C1orf87: variants seen among roughly 807,000 people sequenced by gnomAD.
The protein encoded by C1orf87 is chromosome 1 open reading frame 87, also known as uncharacterized protein C1orf87.
Under a neutral mutation model 60.5 loss-of-function variants are expected in C1orf87, and 58 were observed. The ratio of observed to expected loss-of-function variants is 0.96; its 90% CI spans 0.78 to 1.19. The LOEUF is 1.19. Among genes scored for constraint, C1orf87 ranks in the 50% most tolerant of loss-of-function variants. The pLI is 0.00. For synonymous variants in C1orf87, 236 were observed against 227.4 expected, an observed-to-expected ratio of 1.04 and a Z score of -0.34; for missense variants, 673 against 638.6, an observed-to-expected ratio of 1.05 and a Z score of -0.58.
chr1:60,023,559 A>G (rs1365552147), intron 8 of C1orf87, among the ~76,000 whole-genome samples: 2 of 152,178 alleles, frequency 1.3e-5, no homozygotes, highest in Non-Finnish European at 2.9e-5. Context: ...ATAGAAAAAA[A>G]TTTAAGATAA....
rs556056960 is a variant in C1orf87 at position 60,021,452 on chromosome 1, AG to A, written c.1127+3948del. On this transcript the variant is annotated intron_variant, in intron 8 of 11. Coordinates refer to ENST00000371201, the MANE Select transcript of C1orf87 (RefSeq NM_152377.3). ...CAGCACAAGGAACCTGATTTTGGTG[AG>A]GTGGGTAAGGAAGGCCTTCTTCAAG... Among the ~76,000 whole-genome samples, 1,375 of 152,312 alleles carry A rather than the reference AG, an allele frequency of 9.0e-3. 10 individuals are homozygous for A. Among genetic ancestry groups the A allele is most frequent in the Non-Finnish European group, 0.014 (982 of 68,024 alleles).
intron 1 of C1orf87, among the ~76,000 whole-genome samples, chr1:60,073,124 T>G (rs1351212062): frequency 2.6e-5 from 4 of 152,186 alleles, no homozygotes; most frequent in Non-Finnish European, 4.4e-5. Flanking sequence ...TAATTCTAGG[T>G]CTGTTCTCAG....
intron 9 of C1orf87, among the ~76,000 whole-genome samples, chr1:60,007,990 A>G (rs1645058056): frequency 6.6e-6 from 1 of 151,962 alleles, no homozygotes; most frequent in African/African-American, 2.4e-5. Flanking sequence ...GATAACATTT[A>G]CCTGTGGAGC....
rs201116233 is a variant in C1orf87, at chr1:59,991,491, C to T, written c.1481-658G>A. Among the ~76,000 whole-genome samples, 13 of 151,970 alleles carry T rather than the reference C, an allele frequency of 8.6e-5. No homozygotes were observed. In the East Asian group the frequency reaches 2.3e-3, roughly 27 times the overall value. ...AATTGCAATGCAAATAGTTGTTATA[C>T]TGTGTTTTAAAATTTGTACTTTTTT... is the stretch of plus-strand genomic sequence containing the variant. On this transcript the variant is annotated intron_variant, in intron 11 of 11. Transcript: ENST00000371201.
intron 2 of C1orf87, among the ~76,000 whole-genome samples, chr1:60,064,998 A>AATAATAAATATAT (rs1645532512): frequency 5.8e-5 from 1 of 17,192 alleles, no homozygotes; most frequent in African/African-American, 1.8e-4. Context: ...AATACATATA[A>AATAATAAATATAT]ATATTAAATA....
chr1:60,038,168 G>A (rs1212662227), intron 5 of C1orf87, 61 bp from the exon 6 acceptor site: 4 of 1,065,114 alleles, frequency 3.8e-6, no homozygotes, highest in African/African-American at 3.1e-5. Flanking sequence ...AAAGAGGCCT[G>A]TTGAGATAAA....
In C1orf87 at chr1:60,072,787, C is replaced by A. The variant is rs564559425; in HGVS notation, c.-27-117G>T. ...GGACAAAGTGTTTCACCTATATTACCTCACTTAACACTCCTAACAAAGGCA... is the reference window on the plus strand; with the variant it reads ...GGACAAAGTGTTTCACCTATATTACATCACTTAACACTCCTAACAAAGGCA... On this transcript the variant is annotated intron_variant, in intron 1 of 11. Transcript: ENST00000371201. 3.5e-4 allele frequency: 205 copies of A among 580,966 alleles called. No individual in the cohort carries two copies. The African/African-American group carries it at 3.6e-3, about 10-fold the overall frequency. 36.0% of individuals were successfully genotyped at this position (580,966 alleles called of 1,614,324 possible).
intron 10 of C1orf87, among the ~76,000 whole-genome samples, chr1:60,000,170 A>T (rs1167660140): frequency 6.6e-6 from 1 of 152,160 alleles, no homozygotes; most frequent in East Asian, 1.9e-4. Flanking sequence ...TGATTTTCTC[A>T]GGGACAATAG....
At chr1:59,994,445 A>G (rs1212947804) in intron 11 of C1orf87, among the ~76,000 whole-genome samples, 1 of 152,144 alleles carries the variant, frequency 6.6e-6, no homozygotes, top group Non-Finnish European at 1.5e-5. Flanking sequence ...TCCCTTCAGC[A>G]TGTTGTTGAT....
chr1:60,069,149 GC>G (rs1300261846), intron 2 of C1orf87, among the ~76,000 whole-genome samples: 1 of 152,090 alleles, frequency 6.6e-6, no homozygotes, highest in Non-Finnish European at 1.5e-5. Context: ...TGTTACAGGA[GC>G]CCCCAGGTGG....
In C1orf87 at chr1:59,997,608, C is replaced by A; in HGVS notation, c.1480+1G>T. The A allele has an allele frequency of 6.2e-7, 1 of 1,613,576 alleles. No individual in the cohort carries two copies. The highest frequency in any genetic ancestry group is 1.1e-5 in the South Asian group (1 of 91,008). ...TGCCAGCTTTACAATTCATACTTCA[C>A]CTGTGTTACTCAGATCACACAGGTA... is the stretch of plus-strand genomic sequence containing the variant. On this transcript the variant is annotated splice_donor_variant, in intron 11 of 11. Transcript: ENST00000371201. LOFTEE classifies it high-confidence loss of function.
At chr1:60,035,712 T>A (rs1275632912) in intron 6 of C1orf87, among the ~76,000 whole-genome samples, 2 of 152,196 alleles carry the variant, frequency 1.3e-5, no homozygotes, top group Non-Finnish European at 2.9e-5. Flanking sequence ...TGAAAGTAAA[T>A]TGATGTGAGC....
In C1orf87 at chr1:59,990,596, T is replaced by G; in HGVS notation, c.*77A>C. 1 of 1,545,840 alleles carries G rather than the reference T, an allele frequency of 6.5e-7. No individual in the cohort carries two copies. On this transcript the variant is annotated 3_prime_UTR_variant, in exon 12 of 12. Transcript: ENST00000371201. The stretch of plus-strand genomic sequence containing the variant: ...TCTGACAATGCCTCCGCCACTACAC[T>G]TAGGCTGGGGAGAAACATGTGTCTG...
At chr1:59,991,535 ATTT>A (rs1179798790) in intron 11 of C1orf87, among the ~76,000 whole-genome samples, 4 of 152,096 alleles carry the variant, frequency 2.6e-5, no homozygotes, top group Non-Finnish European at 4.4e-5. Context: ...GTGTCATTAT[ATTT>A]TATTTCTATT....
At position 59,990,711 on chromosome 1, in the gene C1orf87, G is replaced by T; in HGVS notation, c.1603C>A (p.Leu535Ile). 6.2e-7 allele frequency: 1 copy of T among 1,614,046 alleles called. No homozygotes were observed. The highest frequency in any genetic ancestry group is 8.5e-7 in the Non-Finnish European group (1 of 1,179,960). The part of the protein sequence containing the change: ...LRRFRSGENM[L>I]LEPALRYLKE... Reference sequence around the variant, plus strand: ...AAGTACCGCAGTGCTGGCTCCAAGAGCATATTTTCTCCCGAACGGAATCTG... The same window carrying T: ...AAGTACCGCAGTGCTGGCTCCAAGATCATATTTTCTCCCGAACGGAATCTG... The change falls in exon 12 of 12, where the codon CTC becomes ATC. Residue 535 changes from leucine (L) to isoleucine (I), a missense_variant. Coordinates refer to ENST00000371201, the MANE Select transcript of C1orf87 (RefSeq NM_152377.3).
intron 8 of C1orf87, among the ~76,000 whole-genome samples, chr1:60,013,832 C>T (rs1225593349): frequency 6.6e-6 from 1 of 152,082 alleles, no homozygotes; most frequent in East Asian, 1.9e-4. Context: ...CCATCCATTC[C>T]TGGTGCCTCT....
intron 8 of C1orf87, among the ~76,000 whole-genome samples, chr1:60,013,670 T>C (rs1645104843): frequency 1.3e-5 from 2 of 151,652 alleles, no homozygotes; most frequent in Admixed American, 1.3e-4. Context: ...TGTTTTGTAG[T>C]GTATATTTGC....
chr1:59,994,127 G>A (rs1425773235), intron 11 of C1orf87, among the ~76,000 whole-genome samples: 1 of 152,086 alleles, frequency 6.6e-6, no homozygotes, highest in Non-Finnish European at 1.5e-5. Context: ...TATCTCATTT[G>A]ATCCGTTCTC....
chr1:60,070,628 A>C (rs1645578120), intron 2 of C1orf87, among the ~76,000 whole-genome samples: 1 of 152,208 alleles, frequency 6.6e-6, no homozygotes, highest in Non-Finnish European at 1.5e-5. Flanking sequence ...CAGTAACATG[A>C]AGTCTATAGG....
Sources: allele counts gnomAD v4.1 joint callset (sites outside exome capture counted in the v4.1 genomes callset), GRCh38; gene constraint gnomAD v4.1.1; transcripts MANE v1.5; gene names NCBI Gene and HGNC (gene_info 2026-07-23, HGNC 2026-07-21).